Variants in STK31 observed in about 807,000 individuals in gnomAD.
STK31 encodes serine/threonine kinase 31.
STK31 carries 89 observed loss-of-function variants against 129.7 expected under a neutral mutation model. The observed-to-expected ratio is 0.69, with a 90% CI of 0.58 to 0.82. STK31 has a LOEUF of 0.82. Among genes scored for constraint, STK31 ranks in the 40% least tolerant of loss-of-function variants. The pLI, the probability that STK31 is intolerant of heterozygous loss-of-function variation, is 0.00. For missense variants in STK31, 1,187 were observed against 1,176.4 expected, an observed-to-expected ratio of 1.01 and a Z score of -0.13; for synonymous variants, 448 against 395.3, an observed-to-expected ratio of 1.13 and a Z score of -1.58.
At position 23,730,879 on chromosome 7, in the gene STK31, T is replaced by TATATATATATATATATATATATATATATA. The variant is rs1491380351; in HGVS notation, c.483+1630_483+1631insATATATATATATATATATATATATATATA. On this transcript the variant is annotated intron_variant, in intron 6 of 23. Coordinates refer to ENST00000355870, the MANE Select transcript of STK31 (RefSeq NM_031414.5). ...ATTTATATATATATATATATATATA[T>TATATATATATATATATATATATATATATA]TTTTTTTTTTTTTTTTTGGTTGGGG... 1.0e-4 allele frequency among the ~76,000 whole-genome samples: 4 copies of TATATATATATATATATATATATATATATA among 39,320 alleles called. 1 individual carries two copies. Among genetic ancestry groups the TATATATATATATATATATATATATATATA allele is most frequent in the East Asian group, 6.7e-4 (1 of 1,490 alleles). 25.8% of individuals were successfully genotyped at this position (39,320 alleles called of 152,430 possible). A position where few individuals can be genotyped will look rare whatever the true frequency, so the allele number is the denominator to read the frequency against.
chr7:23,770,093 G>A (rs1383568751), intron 13 of STK31, among the ~76,000 whole-genome samples: 1 of 152,168 alleles, frequency 6.6e-6, no homozygotes, highest in Non-Finnish European at 1.5e-5. Context: ...TATAAGAAGA[G>A]ACTCCTTAGA....
chr7:23,789,989 T>TA (rs1791518070), intron 21 of STK31, among the ~76,000 whole-genome samples: 3 of 152,280 alleles, frequency 2.0e-5, no homozygotes, highest in Admixed American at 6.5e-5. Context: ...TTTCAGGCCT[T>TA]ATAGTGCATA....
intron 3 of STK31, among the ~76,000 whole-genome samples, chr7:23,713,456 T>C (rs1786103429): frequency 6.6e-6 from 1 of 152,124 alleles, no homozygotes; most frequent in Non-Finnish European, 1.5e-5. Flanking sequence ...ACACTTAGGC[T>C]ACACTAAATT....
chr7:23,723,645 C>T (rs1246949113), intron 4 of STK31, among the ~76,000 whole-genome samples: 1 of 152,162 alleles, frequency 6.6e-6, no homozygotes, highest in Non-Finnish European at 1.5e-5. Context: ...GGTTCTCTCC[C>T]TCTGCCACCA....
In STK31 at chr7:23,811,525, G is replaced by A. The variant is rs1793130360; in HGVS notation, c.2761-3619G>A. The stretch of plus-strand genomic sequence containing the variant: ...TAGAGGCATTTCCACCAATGAGCAA[G>A]TCATCAATATTACCCTATGTCTTAC... On this transcript the variant is annotated intron_variant, in intron 22 of 23. Coordinates refer to ENST00000355870, the MANE Select transcript of STK31 (RefSeq NM_031414.5). 4 of 279,560 alleles carry A rather than the reference G, an allele frequency of 1.4e-5. No individual in the cohort carries two copies. In the Admixed American group the frequency reaches 1.6e-4, roughly 11 times the overall value. 17.3% of individuals were successfully genotyped at this position (279,560 alleles called of 1,614,324 possible). A position where few individuals can be genotyped will look rare whatever the true frequency, so the allele number is the denominator to read the frequency against.
intron 8 of STK31, among the ~76,000 whole-genome samples, chr7:23,749,568 GTC>G (rs369212527): frequency 5.4e-4 from 82 of 150,630 alleles, no homozygotes; most frequent in African/African-American, 1.9e-3. Context: ...GCCCAGGCTG[GTC>G]TTGAACTCCT....
chr7:23,717,717 G>C (rs1786436494), intron 4 of STK31, 138 bp downstream of exon 4: 2 of 630,824 alleles, frequency 3.2e-6, no homozygotes, highest in Non-Finnish European at 5.6e-6. Flanking sequence ...TACTGTTATG[G>C]TATATTTATT....
chr7:23,777,072 G>C (rs1790599978), intron 15 of STK31, among the ~76,000 whole-genome samples: 1 of 152,030 alleles, frequency 6.6e-6, no homozygotes, highest in Non-Finnish European at 1.5e-5. Flanking sequence ...CCTTAATTTT[G>C]TTAATTACCC....
At position 23,737,374 on chromosome 7, in the gene STK31, A is replaced by G. The variant is rs116890434; in HGVS notation, c.1017+296A>G. On this transcript the variant is annotated intron_variant, in intron 8 of 23. Coordinates refer to ENST00000355870, the MANE Select transcript of STK31 (RefSeq NM_031414.5). Reference sequence around the variant, plus strand: ...TAAAAGGAGAGAGACTTGAATAATTAATTCTCATGTGCCCATCACCCAGTT... The same window carrying G: ...TAAAAGGAGAGAGACTTGAATAATTGATTCTCATGTGCCCATCACCCAGTT... 4.9e-4 allele frequency among the ~76,000 whole-genome samples: 75 copies of G among 152,318 alleles called. No individual in the cohort carries two copies. In the East Asian group the frequency reaches 0.014, roughly 28 times the overall value.
At chr7:23,712,172 G>C (rs1786011038) in intron 2 of STK31, 27 bp downstream of exon 2, 2 of 1,613,736 alleles carry the variant, frequency 1.2e-6, no homozygotes, top group Non-Finnish European at 1.7e-6. Flanking sequence ...TTATTTTGGG[G>C]TGTAAGAGCT....
chr7:23,828,586 G>A (rs571091785), intron 23 of STK31, among the ~76,000 whole-genome samples: 21 of 152,266 alleles, frequency 1.4e-4, no homozygotes, highest in East Asian at 1.9e-4. Context: ...CGCATGGTGC[G>A]CTGCACCCAC....
At chr7:23,797,025 A>G (rs1288433474) in intron 22 of STK31, among the ~76,000 whole-genome samples, 1 of 152,228 alleles carries the variant, frequency 6.6e-6, no homozygotes, top group Non-Finnish European at 1.5e-5. Flanking sequence ...GAAGGGCATT[A>G]CATAATGGAA....
At chr7:23,795,908 C>G (rs1935533715) in intron 22 of STK31, among the ~76,000 whole-genome samples, 1 of 152,210 alleles carries the variant, frequency 6.6e-6, no homozygotes, top group Admixed American at 6.5e-5. Flanking sequence ...AAGTAACTAA[C>G]TTGCTGTTGA....
intron 13 of STK31, among the ~76,000 whole-genome samples, 182 bp from the exon 14 acceptor site, chr7:23,770,823 A>G (rs548250192): frequency 1.3e-5 from 2 of 152,236 alleles, no homozygotes; most frequent in East Asian, 1.9e-4. Context: ...TGGCTGCCAT[A>G]TGAACATCTT....
At chr7:23,768,869 G>A in intron 11 of STK31, 126 bp from the exon 12 acceptor site, 1 of 780,604 alleles carries the variant, frequency 1.3e-6, no homozygotes, top group South Asian at 3.7e-5. Context: ...ATTCTAAGTT[G>A]TATTTATGAA....
intron 11 of STK31, among the ~76,000 whole-genome samples, chr7:23,764,028 T>C (rs775932781): frequency 1.3e-5 from 2 of 152,202 alleles, no homozygotes; most frequent in Non-Finnish European, 2.9e-5. Context: ...CTGGGCATTG[T>C]TTCTTTCTGT....
intron 22 of STK31, among the ~76,000 whole-genome samples, chr7:23,808,144 C>T (rs1792830253): frequency 8.5e-6 from 1 of 117,846 alleles, no homozygotes; most frequent in South Asian, 2.8e-4. Context: ...ACTATGAATC[C>T]TTTTTAATAT....
intron 23 of STK31, among the ~76,000 whole-genome samples, chr7:23,826,004 A>T (rs4439017): frequency 0.32 from 49,138 of 151,666 alleles, 9,138 homozygotes; most frequent in African/African-American, 0.52. Flanking sequence ...TGCTGAGGAG[A>T]GCTTTACTTC....
At position 23,785,535 on chromosome 7, in the gene STK31, A is replaced by T. The variant is rs765583747; in HGVS notation, c.2206A>T (p.Met736Leu). ...LERDLLDAEP[M>L]KELSSKRPLV... ...ACGAGATCTTCTTGATGCTGAGCCC[A>T]TGAAGGAACTTAGCAGCAAGCGTCC... The change falls in exon 18 of 24, where the codon ATG (methionine) becomes TTG (leucine). Residue 736 changes from methionine to leucine, a missense_variant. Around this residue, in one of 5 missense-constraint regions of STK31, gnomAD observed 975 missense variants for 934.9 expected, o/e 1.04. Transcript: ENST00000355870. The T allele has an allele frequency of 1.3e-5, 21 of 1,613,954 alleles. No individual in the cohort carries two copies. The Admixed American group carries it at 3.3e-4, about 26-fold the overall frequency.
Sources: gnomAD v4.1 joint callset for allele counts (sites outside exome capture counted in the v4.1 genomes callset) on GRCh38, gnomAD v4.1.1 for gene constraint, gnomAD v4.1.1 regional missense constraint, MANE v1.5 for transcripts, NCBI Gene and HGNC (gene_info 2026-07-23, HGNC 2026-07-21) for gene names.